Variants in GLI4 observed in about 807,000 individuals in gnomAD.
GLI4 encodes the protein zinc finger protein GLI4.
GLI4 carries 34 observed loss-of-function variants against 30.9 expected under a neutral mutation model. That is an observed-to-expected ratio of 1.10 (90% CI 0.84 to 1.47). The LOEUF (loss-of-function observed/expected upper bound fraction) is 1.47, where lower values mean the gene tolerates loss of function less well. Ranked by LOEUF, GLI4 falls within the 40% of genes most tolerant of loss-of-function variation. GLI4 has a pLI of 0.00. For synonymous variants in GLI4, 277 were observed against 236.7 expected, an observed-to-expected ratio of 1.17 and a Z score of -1.56; for missense variants, 696 against 538.9, an observed-to-expected ratio of 1.29 and a Z score of -2.89.
chr8:143,268,953 C>T (rs894600838), intron 1 of GLI4, among the ~76,000 whole-genome samples: 1 of 152,028 alleles, frequency 6.6e-6, no homozygotes, highest in Non-Finnish European at 1.5e-5. Flanking sequence ...AAGCTGTTCT[C>T]CTGCCTCAGC....
At position 143,276,660 on chromosome 8, in the gene GLI4, C is replaced by G; in HGVS notation, c.987C>G (p.Gly329=). ...AGCCCTACGAGTGCTCCGACTGCGG[C>G]AAAGCCTTCCGCGGCCGCTCGCACT... ...GEKPYECSDC[G]KAFRGRSHFF... The change falls in exon 4 of 4, where the codon GGC becomes GGG. Residue 329 remains glycine (G), a synonymous_variant. Transcript: ENST00000340042. 6.2e-7 allele frequency: 1 copy of G among 1,612,152 alleles called. No individual in the cohort carries two copies.
chr8:143,269,279 C>T (rs1412151855), intron 1 of GLI4, 81 bp from the exon 2 acceptor site: 1 of 1,012,642 alleles, frequency 9.9e-7, no homozygotes, highest in Non-Finnish European at 1.5e-6. Flanking sequence ...CCTTGGAGAG[C>T]TGGCATGTTG....
intron 2 of GLI4, among the ~76,000 whole-genome samples, chr8:143,272,058 C>G (rs754976284): frequency 6.6e-5 from 10 of 152,114 alleles, no homozygotes; most frequent in Admixed American, 3.3e-4. Flanking sequence ...CTGCCTGGGC[C>G]GGTTCTGGAA....
intron 2 of GLI4, among the ~76,000 whole-genome samples, chr8:143,269,765 C>T (rs76377145): frequency 0.021 from 3,231 of 152,322 alleles, 118 homozygotes; most frequent in African/African-American, 0.073. Context: ...GACAGCTCCC[C>T]GCATTGTTTC....
rs188421645 is a variant in GLI4 at position 143,267,764 on chromosome 8, C to T, written c.-38+280C>T. On this transcript the variant is annotated intron_variant, in intron 1 of 3. Coordinates refer to ENST00000340042, the MANE Select transcript of GLI4 (RefSeq NM_138465.4). ...GGCACCCAGTGACGGCAGCTGTCGT[C>T]ATCGCCACTCTGCAGATGGGAAACT... 1,660 of 985,326 alleles carry T rather than the reference C, an allele frequency of 1.7e-3. 14 individuals carry two copies. In the African/African-American group the frequency reaches 0.021, roughly 12 times the overall value. The allele number at this position is 985,326 out of a possible 1,614,324, so 61.0% of individuals were successfully genotyped here.
At chr8:143,275,065 T>G in intron 3 of GLI4, 1 of 1,535,404 alleles carries the variant, frequency 6.5e-7, no homozygotes, top group Non-Finnish European at 8.7e-7. Flanking sequence ...CGGCCCCAGC[T>G]GGACACAGTG....
chr8:143,274,526 A>AG, intron 2 of GLI4, 178 bp from the exon 3 acceptor site: 1 of 478,190 alleles, frequency 2.1e-6, no homozygotes, highest in Non-Finnish European at 3.5e-6. Flanking sequence ...CGAGCTGGGA[A>AG]GGAAGGTAAA....
intron 2 of GLI4, among the ~76,000 whole-genome samples, chr8:143,272,223 G>A (rs971920159): frequency 9.9e-5 from 15 of 152,248 alleles, no homozygotes; most frequent in Non-Finnish European, 1.5e-4. Context: ...GGGCCACCCC[G>A]CGACAGGCAC....
intron 3 of GLI4, 39 bp from the exon 4 acceptor site, chr8:143,275,858 C>T: frequency 6.3e-6 from 8 of 1,259,988 alleles, no homozygotes; most frequent in Non-Finnish European, 8.0e-6. Context: ...ACGGTGGGGG[C>T]ATGCGGGTAC....
chr8:143,276,806 C>G lies in GLI4; in HGVS notation c.*2C>G. 1.3e-6 allele frequency: 2 copies of G among 1,542,232 alleles called. No individual in the cohort carries two copies. The highest frequency in any genetic ancestry group is 1.7e-6 in the Non-Finnish European group (2 of 1,145,830). ...CAGCGGGTGCACTACCGCGAGTAGC[C>G]GGGCGGGGGCTCGGGGCTCGGCCTC... On this transcript the variant is annotated 3_prime_UTR_variant, in exon 4 of 4. Transcript: ENST00000340042.
rs748436595 is a variant in GLI4, at chr8:143,276,683, A to T, written c.1010A>T (p.His337Leu). ...GGCAAAGCCTTCCGCGGCCGCTCGC[A>T]CTTCTTCCGGCACCTGCGGACCCAC... ...DCGKAFRGRS[H>L]FFRHLRTHTG... The change falls in exon 4 of 4, where the codon CAC (histidine) becomes CTC (leucine). Residue 337 changes from histidine to leucine, a missense_variant. Transcript: ENST00000340042. 8 of 1,609,096 alleles carry T rather than the reference A, an allele frequency of 5.0e-6. No individual in the cohort carries two copies. In the South Asian group the frequency reaches 8.8e-5, roughly 18 times the overall value.
rs1815379451 is a variant in GLI4, at chr8:143,276,116, T to C, written c.443T>C (p.Val148Ala). The C allele has an allele frequency of 2.0e-6, 3 of 1,506,626 alleles. No homozygotes were observed. Among genetic ancestry groups the C allele is most frequent in the Admixed American group, 2.3e-5 (1 of 43,878 alleles). 93.3% of individuals were successfully genotyped at this position (1,506,626 alleles called of 1,614,324 possible). The change falls in exon 4 of 4, where the codon GTG becomes GCG. Residue 148 changes from valine to alanine, a missense_variant. By Grantham distance (64) the Val-to-Ala change is moderately conservative. Transcript: ENST00000340042. ...CGGGGCGCCTGGCGCGTGACGCTCGTGCAGCAAGCAGCGGCCGGGCCCGAG... is the reference window on the plus strand; with the variant it reads ...CGGGGCGCCTGGCGCGTGACGCTCGCGCAGCAAGCAGCGGCCGGGCCCGAG... Reference protein sequence around the residue: ...QPRGAWRVTLVQQAAAGPEGA... With the variant: ...QPRGAWRVTLAQQAAAGPEGA...
intron 1 of GLI4, chr8:143,267,986 G>A (rs908739862): frequency 1.0e-6 from 1 of 985,352 alleles, no homozygotes; most frequent in Non-Finnish European, 1.2e-6. Context: ...CTCAGAGTTT[G>A]TGCGTCCCTG....
chr8:143,273,373 C>T (rs1438181155), intron 2 of GLI4: 3 of 152,268 alleles, frequency 2.0e-5, no homozygotes, highest in Admixed American at 1.3e-4. Flanking sequence ...CCTCGGCTCT[C>T]GAGGAAGGGA....
chr8:143,268,859 C>CTGCTGCTGCTGCTGCTGCTGTTGT (rs35422165), intron 1 of GLI4, among the ~76,000 whole-genome samples: 6 of 149,496 alleles, frequency 4.0e-5, no homozygotes, highest in East Asian at 2.0e-4. Flanking sequence ...GCTGCTGCTG[C>CTGCTGCTGCTGCTGCTGCTGTTGT]TGTTGTTTGA....
At chr8:143,268,157 C>A in intron 1 of GLI4, 1 of 871,636 alleles carries the variant, frequency 1.1e-6, no homozygotes, top group Non-Finnish European at 1.4e-6. Context: ...CACCCAGTGG[C>A]CACCTACCTG....
chr8:143,271,752 T>A (rs941726050), intron 2 of GLI4, among the ~76,000 whole-genome samples: 1 of 151,292 alleles, frequency 6.6e-6, no homozygotes. Context: ...CGTTTATCAG[T>A]GGGGAGGGTC....
intron 2 of GLI4, among the ~76,000 whole-genome samples, chr8:143,271,797 C>T (rs1586727178): frequency 1.3e-5 from 2 of 152,268 alleles, no homozygotes; most frequent in Admixed American, 1.3e-4. Context: ...GTAAGGTTCT[C>T]TGCGGTGGTC....
intron 2 of GLI4, among the ~76,000 whole-genome samples, chr8:143,272,197 C>A (rs1306663503): frequency 6.6e-6 from 1 of 152,128 alleles, no homozygotes; most frequent in East Asian, 1.9e-4. Flanking sequence ...TTAGGGAGGA[C>A]CCCATGGGCA....
Sources: allele counts gnomAD v4.1 joint callset (sites outside exome capture counted in the v4.1 genomes callset), GRCh38; gene constraint gnomAD v4.1.1; transcripts MANE v1.5; gene names NCBI Gene and HGNC (gene_info 2026-07-23, HGNC 2026-07-21).